Variants in NFATC3 observed in about 807,000 individuals in gnomAD.
NFATC3 encodes nuclear factor of activated T-cells, cytoplasmic 3.
A neutral mutation model predicts 98.6 loss-of-function variants in NFATC3; 46 were observed. The observed-to-expected ratio is 0.47, with a 90% confidence interval of 0.37 to 0.60. The LOEUF (loss-of-function observed/expected upper bound fraction) is 0.60, where lower values mean the gene tolerates loss of function less well. Among genes scored for constraint, NFATC3 ranks in the 20% least tolerant of loss-of-function variants. NFATC3 has a pLI of 0.00. For missense variants in NFATC3, 1,256 were observed against 1,295.5 expected (o/e 0.97, Z 0.47); for synonymous variants, 512 against 472.2 (o/e 1.08, Z -1.09).
chr16:68,124,596 G>A (rs1166263242), intron 2 of NFATC3, among the ~76,000 whole-genome samples: 5 of 151,954 alleles, frequency 3.3e-5, no homozygotes, highest in South Asian at 2.1e-4. Context: ...CACCACGCCC[G>A]GCTAATTTTT....
intron 8 of NFATC3, among the ~76,000 whole-genome samples, chr16:68,185,201 T>A (rs2040132105): frequency 1.3e-5 from 2 of 152,162 alleles, no homozygotes; most frequent in Non-Finnish European, 2.9e-5. Flanking sequence ...GGTCTCGAAC[T>A]CCTGACCTCA....
rs1186919561 is a variant in NFATC3, at chr16:68,217,605, A to T, written c.3107-8745A>T. The T allele has an allele frequency of 3.3e-6, 4 of 1,220,736 alleles. No individual in the cohort carries two copies. In the African/African-American group the frequency reaches 6.2e-5, roughly 19 times the overall value. The allele number at this position is 1,220,736 out of a possible 1,614,324, so 75.6% of individuals were successfully genotyped here. On this transcript the variant is annotated intron_variant, in intron 9 of 9. Coordinates refer to ENST00000346183, the MANE Select transcript of NFATC3 (RefSeq NM_173165.3). ...TGTTAATAGTATTAGCTAAGTGAGT[A>T]TAATGGAGATCCCAGAGACATTTCC...
At chr16:68,144,355 C>G (rs1325598207) in intron 3 of NFATC3, among the ~76,000 whole-genome samples, 1 of 152,130 alleles carries the variant, frequency 6.6e-6, no homozygotes, top group African/African-American at 2.4e-5. Flanking sequence ...TACAGCCACT[C>G]TGGAATATAG....
chr16:68,089,693 G>A (rs926494925), intron 1 of NFATC3: 2 of 152,064 alleles, frequency 1.3e-5, no homozygotes, highest in African/African-American at 4.8e-5. Flanking sequence ...ATAGGTACAT[G>A]TTTAATGTAT....
At chr16:68,222,142 A>T (rs2041885837) in intron 9 of NFATC3, among the ~76,000 whole-genome samples, 1 of 151,522 alleles carries the variant, frequency 6.6e-6, no homozygotes, top group South Asian at 2.1e-4. Flanking sequence ...GAAAAAAAAA[A>T]TCCAAAAATT....
chr16:68,147,756 A>G (rs1013101074), intron 3 of NFATC3, among the ~76,000 whole-genome samples: 28 of 114,326 alleles, frequency 2.4e-4, no homozygotes, highest in East Asian at 2.3e-3. Context: ...CTGTGAACTG[A>G]AAAAAAAAAA....
chr16:68,196,662 C>T lies in NFATC3; in HGVS notation c.3106+4887C>T, dbSNP rs189350109. On this transcript the variant is annotated intron_variant, in intron 9 of 9. Coordinates refer to ENST00000346183, the MANE Select transcript of NFATC3 (RefSeq NM_173165.3). Reference sequence around the variant, plus strand: ...TGAGCTGAGATCGCACCACTGCGCTCCAGCCTGGGTGACAGAGTGAGAGAC... The same window carrying T: ...TGAGCTGAGATCGCACCACTGCGCTTCAGCCTGGGTGACAGAGTGAGAGAC... Among the ~76,000 whole-genome samples, 1,002 of 151,750 alleles carry T rather than the reference C, an allele frequency of 6.6e-3. 3 individuals carry two copies. The highest frequency in any genetic ancestry group is 8.8e-3 in the Non-Finnish European group (600 of 67,918).
intron 1 of NFATC3, among the ~76,000 whole-genome samples, chr16:68,097,686 A>G (rs1308985589): frequency 1.4e-5 from 2 of 147,056 alleles, no homozygotes; most frequent in African/African-American, 5.0e-5. Context: ...GGGAAAGCCA[A>G]GGCAGAAGAG....
chr16:68,104,188 GTCT>G (rs1208284590), intron 1 of NFATC3, among the ~76,000 whole-genome samples: 1 of 152,046 alleles, frequency 6.6e-6, no homozygotes, highest in Non-Finnish European at 1.5e-5. Context: ...ACTTATTTAG[GTCT>G]TCTTTAATTT....
chr16:68,197,212 G>T (rs2151126793), intron 9 of NFATC3, among the ~76,000 whole-genome samples: 1 of 152,096 alleles, frequency 6.6e-6, no homozygotes, highest in South Asian at 2.1e-4. Context: ...TCAAAGTTCT[G>T]GGAGCCATCA....
At chr16:68,154,224 A>G (rs369862018) in intron 3 of NFATC3, among the ~76,000 whole-genome samples, 34 of 152,168 alleles carry the variant, frequency 2.2e-4, no homozygotes, top group African/African-American at 7.9e-4. Context: ...CCAGCCTTAT[A>G]CTTTGTTTCC....
At chr16:68,183,874 G>C (rs2040050645) in intron 8 of NFATC3, among the ~76,000 whole-genome samples, 1 of 151,930 alleles carries the variant, frequency 6.6e-6, no homozygotes, top group African/African-American at 2.4e-5. Flanking sequence ...GGGTGTGGTG[G>C]TGCATTCCTG....
chr16:68,196,672 T>C (rs2040686094), intron 9 of NFATC3, among the ~76,000 whole-genome samples: 1 of 150,740 alleles, frequency 6.6e-6, no homozygotes, highest in African/African-American at 2.4e-5. Flanking sequence ...CCAGCCTGGG[T>C]GACAGAGTGA....
intron 9 of NFATC3, chr16:68,209,865 ACACT>A (rs1291173173): frequency 6.3e-5 from 19 of 299,672 alleles, no homozygotes; most frequent in South Asian, 2.8e-4. Context: ...ACACACACAC[ACACT>A]CACAGTCACA....
chr16:68,175,638 C>T (rs2039657812), intron 6 of NFATC3, among the ~76,000 whole-genome samples: 1 of 151,990 alleles, frequency 6.6e-6, no homozygotes, highest in East Asian at 1.9e-4. Context: ...TGGCTCACTG[C>T]AACCTCCGCC....
In NFATC3 at chr16:68,181,409, A is replaced by C. The variant is rs560664865; in HGVS notation, c.1916-66A>C. The C allele has an allele frequency of 2.6e-6, 3 of 1,149,312 alleles. No individual in the cohort carries two copies. The South Asian group carries it at 3.9e-5, about 15-fold the overall frequency. The allele number at this position is 1,149,312 out of a possible 1,614,324, so 71.2% of individuals were successfully genotyped here. A position where few individuals can be genotyped will look rare whatever the true frequency, so the allele number is the denominator to read the frequency against. ...AATAAATTTGTGATACTATCCATGC[A>C]TTAGATTTTGTCTGTATGCTTTCTG... is the stretch of plus-strand genomic sequence containing the variant. On this transcript the variant is annotated intron_variant, in intron 6 of 9. Transcript: ENST00000346183.
Position 68,226,418 on chromosome 16 carries a change from G to C in NFATC3, c.3175G>C (p.Ala1059Pro). ...VSQGAGVSRQ[A>P]PLPSPESLDL... ...CCAAGGAGCAGGGGTGAGCAGGCAG[G>C]CTCCCCTCCCGAGTCCTGAGTCCCT... The change falls in exon 10 of 10, where the codon GCT (alanine) becomes CCT (proline). Residue 1059 changes from alanine (A) to proline (P), a missense_variant. This residue lies in a region of NFATC3 where 636 missense variants were observed against 617.3 expected (regional missense o/e 1.03). Transcript: ENST00000346183. 4 of 1,570,414 alleles carry C rather than the reference G, an allele frequency of 2.5e-6. No individual in the cohort carries two copies. The highest frequency in any genetic ancestry group is 3.4e-6 in the Non-Finnish European group (4 of 1,162,722).
At chr16:68,158,555 G>A (rs1302045230) in intron 4 of NFATC3, among the ~76,000 whole-genome samples, 1 of 152,186 alleles carries the variant, frequency 6.6e-6, no homozygotes. Context: ...GATATGCAGT[G>A]GCTTGAACAG....
intron 3 of NFATC3, among the ~76,000 whole-genome samples, chr16:68,150,800 C>T (rs2038279160): frequency 6.6e-6 from 1 of 152,052 alleles, no homozygotes; most frequent in African/African-American, 2.4e-5. Context: ...GGGTGGCTTC[C>T]CCATGCTGTT....
Sources: allele counts gnomAD v4.1 joint callset (sites outside exome capture counted in the v4.1 genomes callset), GRCh38; gene constraint gnomAD v4.1.1; regional missense constraint gnomAD v4.1.1; transcripts MANE v1.5; gene names NCBI Gene and HGNC (gene_info 2026-07-23, HGNC 2026-07-21).